PDK3: variants seen among roughly 807,000 people sequenced by gnomAD.
PDK3 encodes pyruvate dehydrogenase kinase 3.
PDK3 carries 12 observed loss-of-function variants against 32.0 expected under a neutral mutation model. The ratio of observed to expected loss-of-function variants is 0.37; its 90% CI spans 0.24 to 0.61. PDK3 has a LOEUF of 0.61. Ranked by LOEUF, PDK3 falls within the 20% of genes least tolerant of loss-of-function variation. The probability of loss-of-function intolerance (pLI) is 0.65; values close to 1 mark genes in which losing one functional copy is unlikely to be tolerated. For missense variants in PDK3, 188 were observed against 316.9 expected, an observed-to-expected ratio of 0.59 and a Z score of 3.09; for synonymous variants, 122 against 116.3, an observed-to-expected ratio of 1.05 and a Z score of -0.31.
chrX:24,482,978 G>C (rs1403230959), intron 1 of PDK3, among the ~76,000 whole-genome samples: 1 of 112,547 alleles, frequency 8.9e-6, no homozygotes, highest in African/African-American at 3.2e-5. Flanking sequence ...GTAGATGTTG[G>C]TTATGAATTT....
intron 2 of PDK3, among the ~76,000 whole-genome samples, chrX:24,495,775 A>G (rs768673998): frequency 8.0e-5 from 9 of 111,890 alleles, no homozygotes; most frequent in Non-Finnish European, 1.1e-4. Context: ...GTAGAGCTGA[A>G]AGTTGCAGTC....
chrX:24,470,192 T>C (rs992049074), intron 1 of PDK3, among the ~76,000 whole-genome samples: 4 of 112,048 alleles, frequency 3.6e-5, no homozygotes, highest in African/African-American at 1.3e-4. Context: ...AAAGATAAAT[T>C]TTTTTCTTTT....
chrX:24,474,383 T>TTTTATTTATTTATTTATTTATTTA (rs57520211), intron 1 of PDK3, among the ~76,000 whole-genome samples: 1 of 96,805 alleles, frequency 1.0e-5, no homozygotes, highest in Non-Finnish European at 2.1e-5. Flanking sequence ...TATAAGTTTA[T>TTTTATTTATTTATTTATTTATTTA]TTTATTTATT....
chrX:24,539,448 C>T (rs968506132), exon 12 of PDK3: 21 of 294,989 alleles, frequency 7.1e-5, no homozygotes, highest in African/African-American at 5.4e-4. Flanking sequence ...TGCCCTCGTA[C>T]TCTCCATCTT....
intron 9 of PDK3, among the ~76,000 whole-genome samples, chrX:24,529,079 T>C (rs1338881033): frequency 1.8e-5 from 2 of 112,144 alleles, no homozygotes; most frequent in African/African-American, 6.5e-5. Context: ...ATCATTTATA[T>C]AGGAGTCGAG....
chrX:24,504,558 G>T (rs1040454134), intron 4 of PDK3, among the ~76,000 whole-genome samples: 1 of 111,613 alleles, frequency 9.0e-6, no homozygotes, highest in African/African-American at 3.3e-5. Flanking sequence ...TTTGTTAGTC[G>T]CAATTTTTGC....
intron 2 of PDK3, among the ~76,000 whole-genome samples, chrX:24,497,849 A>G (rs1203661813): frequency 8.9e-6 from 1 of 112,412 alleles, no homozygotes; most frequent in Admixed American, 9.4e-5. Context: ...TAGAGATCAC[A>G]TATCTCTAAT....
chrX:24,520,582 A>G (rs755670759), intron 6 of PDK3, among the ~76,000 whole-genome samples: 2 of 112,171 alleles, frequency 1.8e-5, no homozygotes, highest in South Asian at 7.3e-4. Flanking sequence ...TTATTTGCAA[A>G]TTATGGAAGA....
In PDK3 at chrX:24,465,543, A is replaced by T; in HGVS notation, c.88A>T (p.Lys30Ter). The T allele has an allele frequency of 1.7e-6, 2 of 1,204,602 alleles. No individual in the cohort carries two copies. The highest frequency in any genetic ancestry group is 2.2e-6 in the Non-Finnish European group (2 of 889,232). Residue 30 changes from lysine (K) to a stop codon, truncating the protein, a stop_gained, in exon 1 of 11, where the codon AAA (lysine) becomes TAA (stop). Transcript: ENST00000379162. LOFTEE classifies it high-confidence loss of function. ...SRFSPSPLSI[K>*]QFLDFGRDNA... ...CTTTTCGCCGTCGCCGCTCTCCATC[A>T]AACAATTCCTGGACTTCGGTGAGTA...
chrX:24,519,635 G>T (rs1446423012), intron 6 of PDK3, among the ~76,000 whole-genome samples: 1 of 111,250 alleles, frequency 9.0e-6, no homozygotes, highest in African/African-American at 3.3e-5. Flanking sequence ...CTCCCAAAGT[G>T]CTGGGATTAC....
chrX:24,541,441 G>A (rs1028013526), exon 12 of PDK3, among the ~76,000 whole-genome samples: 6 of 111,319 alleles, frequency 5.4e-5, no homozygotes, highest in African/African-American at 2.0e-4. Context: ...ATAATATGGT[G>A]TAGAAAAATC....
chrX:24,528,370 A>G (rs193115099), intron 9 of PDK3, among the ~76,000 whole-genome samples, 184 bp downstream of exon 9: 16 of 112,462 alleles, frequency 1.4e-4, no homozygotes, highest in African/African-American at 2.6e-4. Context: ...TTGGACTTCA[A>G]TTTCCTCTCT....
intron 5 of PDK3, among the ~76,000 whole-genome samples, chrX:24,515,227 A>G (rs1206454672): frequency 2.7e-5 from 3 of 112,446 alleles, no homozygotes; most frequent in Non-Finnish European, 5.6e-5. Flanking sequence ...TTCAAGGATC[A>G]TCATGCAATT....
rs1921425994 is a variant in PDK3, at chrX:24,487,294, T to A, written c.107-7448T>A. 3.6e-5 allele frequency among the ~76,000 whole-genome samples: 4 copies of A among 111,764 alleles called. No individual in the cohort carries two copies. The South Asian group carries it at 1.5e-3, about 42-fold the overall frequency. ...GTGTTTTCAACAGATTGAAATCTTATAACTACAACTAGAGAAAAGAAGTTG... is the reference window on the plus strand; with the variant it reads ...GTGTTTTCAACAGATTGAAATCTTAAAACTACAACTAGAGAAAAGAAGTTG... On this transcript the variant is annotated intron_variant, in intron 1 of 10. Transcript: ENST00000379162.
chrX:24,505,170 G>A lies in PDK3; in HGVS notation c.506-39G>A, dbSNP rs375279092. 4.7e-5 allele frequency: 48 copies of A among 1,015,461 alleles called. No homozygotes were observed. In the East Asian group the frequency reaches 5.3e-4, roughly 11 times the overall value. The allele number at this position is 1,015,461 out of a possible 1,213,427, so 83.7% of individuals were successfully genotyped here. A position where few individuals can be genotyped will look rare whatever the true frequency, so the allele number is the denominator to read the frequency against. On this transcript the variant is annotated intron_variant, in intron 4 of 10. Transcript: ENST00000379162. ...CCCTGTGTGACCATCCCAGCCTGCT[G>A]TGTTTTAATCCCCTCCCTTTCCTTT... is the stretch of plus-strand genomic sequence containing the variant.
At chrX:24,525,712 A>G (rs1922505914) in intron 6 of PDK3, among the ~76,000 whole-genome samples, 1 of 112,209 alleles carries the variant, frequency 8.9e-6, no homozygotes, top group Non-Finnish European at 1.9e-5. Flanking sequence ...TGAACCTTAC[A>G]TTCTATGCTA....
intron 1 of PDK3, among the ~76,000 whole-genome samples, chrX:24,491,290 AAAAG>A (rs1323972436): frequency 1.0e-4 from 11 of 110,157 alleles, no homozygotes; most frequent in African/African-American, 1.7e-4. Context: ...AAAAAAAAAA[AAAAG>A]AAAAAAGAAA....
At chrX:24,474,154 A>G (rs958147312) in intron 1 of PDK3, among the ~76,000 whole-genome samples, 3 of 111,144 alleles carry the variant, frequency 2.7e-5, no homozygotes, top group Admixed American at 9.6e-5. Flanking sequence ...CCACACTTGC[A>G]TTAAAGAGAT....
chrX:24,503,532 C>T (rs745344541), intron 4 of PDK3, 21 bp downstream of exon 4: 2 of 1,078,850 alleles, frequency 1.9e-6, no homozygotes, highest in Admixed American at 2.8e-5. Context: ...GTTTGTTGGT[C>T]CAGTTTTGAA....
Sources: allele counts gnomAD v4.1 joint callset (sites outside exome capture counted in the v4.1 genomes callset), GRCh38; gene constraint gnomAD v4.1.1; transcripts MANE v1.5; gene names NCBI Gene and HGNC (gene_info 2026-07-23, HGNC 2026-07-21).